CHODL: variants seen among roughly 807,000 people sequenced by gnomAD.
The protein encoded by CHODL is chondrolectin.
In CHODL, 29 loss-of-function variants were observed where a neutral mutation model predicts 34.5. The ratio of observed to expected loss-of-function variants is 0.84; its 90% CI spans 0.63 to 1.15. The LOEUF (loss-of-function observed/expected upper bound fraction) is 1.15, where lower values mean the gene tolerates loss of function less well. Among genes scored for constraint, CHODL ranks in the 50% most tolerant of loss-of-function variants. The probability of loss-of-function intolerance (pLI) is 0.00; values close to 1 mark genes in which losing one functional copy is unlikely to be tolerated. For synonymous variants in CHODL, 125 were observed against 116.1 expected (o/e 1.08, Z -0.49); for missense variants, 332 against 332.5 (o/e 1.00, Z 0.01).
chr21:18,251,426 TA>T (rs1211246689), intron 1 of CHODL, among the ~76,000 whole-genome samples: 5 of 76,264 alleles, frequency 6.6e-5, no homozygotes, highest in Non-Finnish European at 1.2e-4. Context: ...TTATTTTATT[TA>T]TTTATTTTAA....
At chr21:18,074,036 G>A (rs181764505) in intron 2 of CHODL, among the ~76,000 whole-genome samples, 175 of 152,002 alleles carry the variant, frequency 1.2e-3, no homozygotes, top group Admixed American at 4.9e-3. Context: ...CTGAAATGTC[G>A]AAAGAATACT....
intron 2 of CHODL, among the ~76,000 whole-genome samples, chr21:18,131,879 A>T (rs566126912): frequency 6.6e-6 from 1 of 152,108 alleles, no homozygotes; most frequent in Admixed American, 6.5e-5. Flanking sequence ...ATTATTTTTT[A>T]AAAGAATTAT....
chr21:18,064,049 C>T (rs1169387063), intron 2 of CHODL, among the ~76,000 whole-genome samples: 1 of 152,312 alleles, frequency 6.6e-6, no homozygotes, highest in South Asian at 2.1e-4. Context: ...TAAATCTTCA[C>T]TTCTAAGAAT....
intron 2 of CHODL, chr21:18,134,344 T>C: frequency 1.9e-6 from 1 of 517,810 alleles, no homozygotes. Flanking sequence ...GTGACTTCAC[T>C]TTTTAGTCCA....
intron 4 of CHODL, among the ~76,000 whole-genome samples, 191 bp downstream of exon 4, chr21:18,260,477 T>C (rs1002590344): frequency 1.3e-5 from 2 of 152,176 alleles, no homozygotes; most frequent in African/African-American, 4.8e-5. Context: ...AAAACCTGTT[T>C]TGTTTTCTTC....
chr21:18,030,024 A>G (rs554414964), intron 2 of CHODL, among the ~76,000 whole-genome samples: 2 of 152,218 alleles, frequency 1.3e-5, no homozygotes, highest in Admixed American at 6.5e-5. Flanking sequence ...GATCTGTGGC[A>G]GGCAGGCTCT....
rs577117722 is a variant in CHODL, at chr21:18,156,336, G to A, written c.-44-100173G>A. Among the ~76,000 whole-genome samples, 93 of 152,000 alleles carry A rather than the reference G, an allele frequency of 6.1e-4. 1 individual carries two copies. Among genetic ancestry groups the A allele is most frequent in the Admixed American group, 1.4e-3 (21 of 15,278 alleles). On this transcript the variant is annotated intron_variant, in intron 2 of 6. Coordinates refer to the CHODL transcript ENST00000400127. ...GATTCAATCTCACTTGTTCATTTTC[G>A]TTTTTGTTGGCTGTTGACTTTTGGA...
intron 2 of CHODL, among the ~76,000 whole-genome samples, chr21:18,179,954 G>C (rs2073362413): frequency 6.6e-6 from 1 of 152,030 alleles, no homozygotes; most frequent in South Asian, 2.1e-4. Flanking sequence ...GATATTAAGG[G>C]TATGGGCTCT....
intron 2 of CHODL, among the ~76,000 whole-genome samples, chr21:18,080,363 T>G (rs1304639317): frequency 6.6e-6 from 1 of 152,150 alleles, no homozygotes; most frequent in African/African-American, 2.4e-5. Flanking sequence ...TCTTCATTTT[T>G]GTAGCATTTG....
intron 2 of CHODL, among the ~76,000 whole-genome samples, chr21:18,059,953 C>T (rs1482815446): frequency 2.6e-5 from 4 of 152,112 alleles, no homozygotes; most frequent in Non-Finnish European, 5.9e-5. Context: ...TTTCTTCACC[C>T]CACATTCCGT....
At chr21:17,949,842 G>C (rs1046723646) in intron 1 of CHODL, among the ~76,000 whole-genome samples, 2 of 152,088 alleles carry the variant, frequency 1.3e-5, no homozygotes, top group African/African-American at 4.8e-5. Flanking sequence ...TCCTAGTTAA[G>C]GGAAAATGCT....
At chr21:18,031,389 TA>T (rs952126854) in intron 2 of CHODL, among the ~76,000 whole-genome samples, 1 of 152,036 alleles carries the variant, frequency 6.6e-6, no homozygotes, top group Non-Finnish European at 1.5e-5. Flanking sequence ...CCATATTTAA[TA>T]AAAGAGATGT....
At chr21:17,938,743 G>A (rs1467365122) in intron 1 of CHODL, among the ~76,000 whole-genome samples, 2 of 152,098 alleles carry the variant, frequency 1.3e-5, no homozygotes, top group African/African-American at 4.8e-5. Flanking sequence ...CTCCCAAAGT[G>A]CTGGGATTAC....
chr21:18,235,464 G>A (rs1396076828), intron 2 of CHODL, among the ~76,000 whole-genome samples: 5 of 152,040 alleles, frequency 3.3e-5, no homozygotes, highest in African/African-American at 1.2e-4. Context: ...GTACTGGGCT[G>A]GAGGAGACTA....
At chr21:18,008,474 T>G (rs1454659972) in intron 1 of CHODL, among the ~76,000 whole-genome samples, 1 of 152,010 alleles carries the variant, frequency 6.6e-6, no homozygotes, top group Admixed American at 6.6e-5. Flanking sequence ...AGAACAACTC[T>G]CCATTTCCCC....
intron 2 of CHODL, among the ~76,000 whole-genome samples, chr21:18,153,268 G>A (rs2072993570): frequency 6.6e-6 from 1 of 152,138 alleles, no homozygotes; most frequent in African/African-American, 2.4e-5. Context: ...GTCCACCTCA[G>A]AGCTCATTCA....
chr21:17,996,150 A>G (rs1349379431), intron 1 of CHODL, among the ~76,000 whole-genome samples: 9 of 152,028 alleles, frequency 5.9e-5, no homozygotes. Context: ...ACTCAAATGC[A>G]GTCAGTTATA....
intron 2 of CHODL, among the ~76,000 whole-genome samples, chr21:18,094,563 A>G (rs2065114724): frequency 6.6e-6 from 1 of 152,174 alleles, no homozygotes; most frequent in Non-Finnish European, 1.5e-5. Flanking sequence ...TTTGGAAATG[A>G]TGAAAACACA....
chr21:18,080,738 G>T (rs2064932213), intron 2 of CHODL, among the ~76,000 whole-genome samples: 1 of 152,066 alleles, frequency 6.6e-6, no homozygotes. Context: ...AGTCACTATA[G>T]CTTAGTAGTA....
Sources: gnomAD v4.1 joint callset for allele counts (sites outside exome capture counted in the v4.1 genomes callset) on GRCh38, gnomAD v4.1.1 for gene constraint, MANE v1.5 for transcripts, NCBI Gene and HGNC (gene_info 2026-07-23, HGNC 2026-07-21) for gene names.